Variants in DAPP1 observed in about 807,000 individuals in gnomAD.
DAPP1 encodes dual adaptor of phosphotyrosine and 3-phosphoinositides 1.
DAPP1 carries 20 observed loss-of-function variants against 41.5 expected under a neutral mutation model. The observed-to-expected ratio is 0.48, with a 90% CI of 0.34 to 0.70. DAPP1 has a LOEUF of 0.70. Ranked by LOEUF, DAPP1 falls within the 30% of genes least tolerant of loss-of-function variation. The probability of loss-of-function intolerance (pLI) is 0.01; values close to 1 mark genes in which losing one functional copy is unlikely to be tolerated. For missense variants in DAPP1, 233 were observed against 333.4 expected (o/e 0.70, Z 2.35); for synonymous variants, 113 against 116.2 (o/e 0.97, Z 0.18).
Position 99,816,955 on chromosome 4 carries a change from G to A in DAPP1, c.42G>A (p.Gln14=), listed in dbSNP as rs779985613. Residue 14 remains glutamine, a synonymous_variant, in exon 1 of 9, where the codon CAG becomes CAA. Coordinates refer to ENST00000512369, the MANE Select transcript of DAPP1 (RefSeq NM_014395.3). ...TTCTAGAAGGGAAGATGAGCACCCA[G>A]GATCCCTCAGATCTGTGGAGCAGAT... is the stretch of plus-strand genomic sequence containing the variant. ...AELLEGKMST[Q]DPSDLWSRSD... 1 of 1,609,322 alleles carries A rather than the reference G, an allele frequency of 6.2e-7. No homozygotes were observed.
intron 4 of DAPP1, among the ~76,000 whole-genome samples, chr4:99,859,794 A>G (rs1378495449): frequency 6.6e-6 from 1 of 151,986 alleles, no homozygotes; most frequent in Non-Finnish European, 1.5e-5. Context: ...AGTAGCTGCC[A>G]CCTCCACCCC....
chr4:99,858,209 G>T (rs1028452367), intron 4 of DAPP1, among the ~76,000 whole-genome samples: 2 of 152,192 alleles, frequency 1.3e-5, no homozygotes, highest in Non-Finnish European at 2.9e-5. Flanking sequence ...TCAAGCACAA[G>T]TTGCACTTAT....
chr4:99,828,664 C>A (rs535354763), intron 1 of DAPP1, among the ~76,000 whole-genome samples: 1 of 152,204 alleles, frequency 6.6e-6, no homozygotes, highest in African/African-American at 2.4e-5. Flanking sequence ...AGCCTGTCCA[C>A]ATTCTCTGTG....
At chr4:99,840,249 A>G (rs761021574) in intron 2 of DAPP1, 40 bp from the exon 3 acceptor site, 2 of 1,342,236 alleles carry the variant, frequency 1.5e-6, no homozygotes, top group Admixed American at 2.5e-5. Flanking sequence ...CAAGATATTT[A>G]TTTGTTAAAT....
At chr4:99,829,573 A>G (rs1015709352) in intron 1 of DAPP1, among the ~76,000 whole-genome samples, 1 of 152,166 alleles carries the variant, frequency 6.6e-6, no homozygotes, top group Admixed American at 6.5e-5. Flanking sequence ...GGGGTCACAT[A>G]GTGAATAAGG....
downstream of DAPP1, among the ~76,000 whole-genome samples, chr4:99,872,204 A>G (rs1724644390): frequency 6.6e-6 from 1 of 152,248 alleles, no homozygotes; most frequent in African/African-American, 2.4e-5. Flanking sequence ...CCCTGATCCC[A>G]TCCTACGGTT....
At chr4:99,828,773 T>C (rs964545429) in intron 1 of DAPP1, among the ~76,000 whole-genome samples, 2 of 152,186 alleles carry the variant, frequency 1.3e-5, no homozygotes, top group African/African-American at 4.8e-5. Flanking sequence ...AAGGATAATA[T>C]CACTGTTTCC....
intron 1 of DAPP1, among the ~76,000 whole-genome samples, chr4:99,818,285 C>T (rs1315839027): frequency 1.3e-5 from 2 of 152,154 alleles, no homozygotes; most frequent in African/African-American, 2.4e-5. Flanking sequence ...GTAAAAGGCC[C>T]TTCTGTGAGC....
At chr4:99,825,099 C>T (rs986565682) in intron 1 of DAPP1, among the ~76,000 whole-genome samples, 3 of 152,328 alleles carry the variant, frequency 2.0e-5, no homozygotes, top group Middle Eastern at 3.4e-3. Context: ...CTGCCCCTGT[C>T]TCCTGGATCA....
intron 1 of DAPP1, among the ~76,000 whole-genome samples, chr4:99,831,402 G>A (rs773987434): frequency 2.0e-5 from 3 of 152,128 alleles, no homozygotes; most frequent in Non-Finnish European, 4.4e-5. Flanking sequence ...ATAGCACCCC[G>A]ACTCCCTGCC....
At chr4:99,818,673 C>T (rs1443948891) in intron 1 of DAPP1, among the ~76,000 whole-genome samples, 1 of 151,978 alleles carries the variant, frequency 6.6e-6, no homozygotes, top group Non-Finnish European at 1.5e-5. Flanking sequence ...AAAACTGAGT[C>T]ACACCACTTC....
At chr4:99,848,685 C>T (rs1377892500) in intron 3 of DAPP1, among the ~76,000 whole-genome samples, 1 of 152,140 alleles carries the variant, frequency 6.6e-6, no homozygotes, top group African/African-American at 2.4e-5. Context: ...CATCTCTGAT[C>T]GTCTCAGAAG....
In DAPP1 at chr4:99,840,408, T is replaced by C; in HGVS notation, c.344T>C (p.Ile115Thr). The C allele has an allele frequency of 6.2e-7, 1 of 1,611,530 alleles. No individual in the cohort carries two copies. The highest frequency in any genetic ancestry group is 8.5e-7 in the Non-Finnish European group (1 of 1,179,236). Residue 115 changes from isoleucine (I) to threonine (T), a missense_variant, in exon 3 of 9, where the codon ATT (isoleucine) becomes ACT (threonine). Transcript: ENST00000512369. ...AAGCATTTTGCAAATCAGCCTTTGA[T>C]TGGAAGCGAGACAGGTAAGCTATGA... ...FVKHFANQPL[I>T]GSETGTLMVL...
intron 3 of DAPP1, among the ~76,000 whole-genome samples, chr4:99,842,693 A>G (rs955510597): frequency 5.9e-5 from 9 of 152,230 alleles, no homozygotes; most frequent in Admixed American, 4.6e-4. Flanking sequence ...TGCAGACTAT[A>G]AAGAATGGTG....
At chr4:99,830,824 G>A (rs1024065979) in intron 1 of DAPP1, among the ~76,000 whole-genome samples, 1 of 151,786 alleles carries the variant, frequency 6.6e-6, no homozygotes, top group Non-Finnish European at 1.5e-5. Flanking sequence ...AAGTGCCTAG[G>A]CCAGTCCAAG....
chr4:99,835,122 C>T (rs1416964681), intron 1 of DAPP1, among the ~76,000 whole-genome samples: 1 of 152,000 alleles, frequency 6.6e-6, no homozygotes, highest in Admixed American at 6.6e-5. Flanking sequence ...GATTCTCCTG[C>T]CTCAGCCTCC....
chr4:99,828,854 C>G (rs779747171), intron 1 of DAPP1, among the ~76,000 whole-genome samples: 1 of 152,154 alleles, frequency 6.6e-6, no homozygotes, highest in Non-Finnish European at 1.5e-5. Flanking sequence ...CTTGATTAGT[C>G]TTTTCTCTGT....
intron 3 of DAPP1, among the ~76,000 whole-genome samples, chr4:99,847,394 T>C (rs1316138160): frequency 6.8e-6 from 1 of 146,536 alleles, no homozygotes; most frequent in Non-Finnish European, 1.5e-5. Context: ...TTGCATACAG[T>C]TATATATGTA....
chr4:99,846,915 G>T (rs1723682784), intron 3 of DAPP1, among the ~76,000 whole-genome samples: 1 of 152,174 alleles, frequency 6.6e-6, no homozygotes, highest in Non-Finnish European at 1.5e-5. Flanking sequence ...AAGAAGGAAG[G>T]AAAAAGATCT....
Sources: allele counts gnomAD v4.1 joint callset (sites outside exome capture counted in the v4.1 genomes callset), GRCh38; gene constraint gnomAD v4.1.1; transcripts MANE v1.5; gene names NCBI Gene and HGNC (gene_info 2026-07-23, HGNC 2026-07-21).